Variants in AGBL1 observed in about 807,000 individuals in gnomAD.
The protein encoded by AGBL1 is AGBL carboxypeptidase 1.
A neutral mutation model predicts 118.9 loss-of-function variants in AGBL1; 130 were observed. That is an observed-to-expected ratio of 1.09 (90% confidence interval 0.95 to 1.26). The LOEUF is 1.26. Among genes scored for constraint, AGBL1 ranks in the 50% most tolerant of loss-of-function variants. The pLI, the probability that AGBL1 is intolerant of heterozygous loss-of-function variation, is 0.00. For missense variants in AGBL1, 1,584 were observed against 1,298.1 expected (o/e 1.22, Z -3.38); for synonymous variants, 555 against 478.9 (o/e 1.16, Z -2.08).
At chr15:86,867,934 G>A (rs533002911) in intron 22 of AGBL1, among the ~76,000 whole-genome samples, 36 of 152,254 alleles carry the variant, frequency 2.4e-4, no homozygotes, top group African/African-American at 8.2e-4. Flanking sequence ...AGGGAATAAA[G>A]GAAATAGCAA....
At chr15:86,112,205 C>A (rs929424091) in intron 1 of AGBL1, among the ~76,000 whole-genome samples, 18 of 152,082 alleles carry the variant, frequency 1.2e-4, no homozygotes, top group Admixed American at 1.2e-3. Flanking sequence ...CCCACACCCA[C>A]CCTGTCATGA....
At chr15:86,800,431 A>G (rs2078634179) in intron 22 of AGBL1, among the ~76,000 whole-genome samples, 1 of 152,154 alleles carries the variant, frequency 6.6e-6, no homozygotes, top group Non-Finnish European at 1.5e-5. Flanking sequence ...AAAAAGGCCC[A>G]GAATTTCCTT....
intron 17 of AGBL1, among the ~76,000 whole-genome samples, chr15:86,330,348 G>C (rs535119037): frequency 1.3e-5 from 2 of 152,116 alleles, no homozygotes; most frequent in Non-Finnish European, 2.9e-5. Context: ...GCATAATAGG[G>C]CTATTTTTGG....
At chr15:86,237,092 C>T (rs2078564350) in intron 6 of AGBL1, among the ~76,000 whole-genome samples, 1 of 152,104 alleles carries the variant, frequency 6.6e-6, no homozygotes, top group African/African-American at 2.4e-5. Context: ...AAAAGCCGGG[C>T]CTTTCCTGCT....
At chr15:86,461,495 T>TA (rs964123081) in intron 18 of AGBL1, among the ~76,000 whole-genome samples, 2 of 152,168 alleles carry the variant, frequency 1.3e-5, no homozygotes, top group Non-Finnish European at 2.9e-5. Context: ...AGAGCACACA[T>TA]ACCATGCAGA....
intron 5 of AGBL1, among the ~76,000 whole-genome samples, chr15:86,195,422 T>G (rs1169407981): frequency 1.3e-5 from 2 of 152,150 alleles, no homozygotes; most frequent in Admixed American, 1.3e-4. Flanking sequence ...TTCACAGGGT[T>G]TGGTAGTTTT....
chr15:86,423,976 GA>G (rs2142028339), intron 18 of AGBL1, among the ~76,000 whole-genome samples: 1 of 152,146 alleles, frequency 6.6e-6, no homozygotes, highest in South Asian at 2.1e-4. Flanking sequence ...TTTATAGATT[GA>G]ATGCTAACCC....
chr15:86,893,222 T>C (rs1452908040), intron 22 of AGBL1, among the ~76,000 whole-genome samples: 1 of 152,138 alleles, frequency 6.6e-6, no homozygotes, highest in African/African-American at 2.4e-5. Context: ...GTATGCTGGA[T>C]GAATCTGAGT....
chr15:86,415,377 G>A (rs1410551511), intron 18 of AGBL1, among the ~76,000 whole-genome samples: 1 of 152,124 alleles, frequency 6.6e-6, no homozygotes, highest in East Asian at 1.9e-4. Flanking sequence ...AGTATCTGCT[G>A]TGCTTCAGTT....
chr15:86,415,080 C>G (rs778308399), intron 18 of AGBL1, among the ~76,000 whole-genome samples: 10 of 152,134 alleles, frequency 6.6e-5, no homozygotes, highest in Non-Finnish European at 8.8e-5. Context: ...TTACGAAGGC[C>G]TCAGATGATC....
chr15:86,315,220 A>G (rs933519405), intron 17 of AGBL1, among the ~76,000 whole-genome samples: 8 of 152,192 alleles, frequency 5.3e-5, no homozygotes, highest in Admixed American at 5.2e-4. Context: ...TAGGCAAGCT[A>G]CTGAAATGTA....
At chr15:86,398,065 A>G (rs1432191009) in intron 18 of AGBL1, among the ~76,000 whole-genome samples, 1 of 152,152 alleles carries the variant, frequency 6.6e-6, no homozygotes, top group Non-Finnish European at 1.5e-5. Context: ...CTTTATTCTC[A>G]ATTAGCTCTG....
At chr15:86,606,983 C>A (rs2098810842) in intron 21 of AGBL1, among the ~76,000 whole-genome samples, 2 of 151,804 alleles carry the variant, frequency 1.3e-5, no homozygotes, top group African/African-American at 4.8e-5. Context: ...TCCTTCTTTC[C>A]CTTGGTGGAA....
At chr15:86,523,786 A>G (rs968629197) in intron 19 of AGBL1, among the ~76,000 whole-genome samples, 5 of 152,216 alleles carry the variant, frequency 3.3e-5, no homozygotes, top group Non-Finnish European at 7.3e-5. Context: ...GTACTATACA[A>G]TTGATTGAAA....
In AGBL1 at chr15:86,925,128, G is replaced by A. The variant is rs4887249; in HGVS notation, c.3222-62859G>A. Among the ~76,000 whole-genome samples, 224 of 44,730 alleles carry A rather than the reference G, an allele frequency of 5.0e-3. 1 individual carries two copies. The highest frequency in any genetic ancestry group is 0.013 in the African/African-American group (197 of 15,536). 29.3% of individuals were successfully genotyped at this position (44,730 alleles called of 152,430 possible). ...AAGAAGAAGAAGAAGAAGAAGAAGA[G>A]GAAGAGGAAGAGGAAGAGGAGGAGG... On this transcript the variant is annotated intron_variant, in intron 23 of 24. Coordinates refer to the AGBL1 transcript ENST00000441037.
chr15:86,428,404 A>G lies in AGBL1; in HGVS notation c.2555+30858A>G, dbSNP rs150949260. Among the ~76,000 whole-genome samples the G allele has an allele frequency of 1.0e-3, 153 of 152,350 alleles. 1 individual carries two copies. The highest frequency in any genetic ancestry group is 3.5e-3 in the African/African-American group (146 of 41,580). On this transcript the variant is annotated intron_variant, in intron 18 of 22. Transcript: ENST00000614907. ...GAGGAATACTCCAGGGAAGGCAGAT[A>G]CACATCTTCTTATTGATAGTCCTAT...
intron 22 of AGBL1, among the ~76,000 whole-genome samples, chr15:86,783,483 C>G (rs2078362990): frequency 6.6e-6 from 1 of 152,174 alleles, no homozygotes. Context: ...AATGTGTGGT[C>G]TATGTGTCCA....
chr15:86,485,536 A>G (rs938921838), intron 18 of AGBL1, among the ~76,000 whole-genome samples: 3 of 152,110 alleles, frequency 2.0e-5, no homozygotes, highest in Non-Finnish European at 2.9e-5. Flanking sequence ...GACAATAACT[A>G]AAAAAATGGG....
At position 86,182,226 on chromosome 15, in the gene AGBL1, G is replaced by T. The variant is rs1002637571; in HGVS notation, c.488+23200G>T. Among the ~76,000 whole-genome samples the T allele has an allele frequency of 4.0e-5, 6 of 151,694 alleles. No homozygotes were observed. The South Asian group carries it at 1.3e-3, about 32-fold the overall frequency. On this transcript the variant is annotated intron_variant, in intron 5 of 22. Transcript: ENST00000614907. Reference sequence around the variant, plus strand: ...ATTCAAGGTCTTGCCTCTATATCTTGTCCACTTTTGTTCTCCCTTGTTTCC... The same window carrying T: ...ATTCAAGGTCTTGCCTCTATATCTTTTCCACTTTTGTTCTCCCTTGTTTCC...
Sources: gnomAD v4.1 joint callset for allele counts (sites outside exome capture counted in the v4.1 genomes callset) on GRCh38, gnomAD v4.1.1 for gene constraint, MANE v1.5 for transcripts, NCBI Gene and HGNC (gene_info 2026-07-23, HGNC 2026-07-21) for gene names.